The following PZP variants were observed in gnomAD, a reference collection of about 807,000 sequenced individuals.
The protein encoded by PZP is PZP alpha-2-macroglobulin like.
PZP carries 150 observed loss-of-function variants against 179.8 expected under a neutral mutation model. That is an observed-to-expected ratio of 0.83 (90% CI 0.73 to 0.96). The LOEUF (loss-of-function observed/expected upper bound fraction) is 0.96. Ranked by LOEUF, PZP falls within the 40% of genes least tolerant of loss-of-function variation. The pLI is 0.00. For synonymous variants in PZP, 624 were observed against 652.3 expected (o/e 0.96, Z 0.66); for missense variants, 1,689 against 1,764.0 (o/e 0.96, Z 0.76).
rs1187620729 is a variant in PZP at position 9,163,689 on chromosome 12, G to A, written c.2715C>T (p.Val905=). ...TTACCTCCACCAACAGGGTTTTGATGACTGTGTCTTTTCTTTTAATCTCAG... is the reference window on the plus strand; with the variant it reads ...TTACCTCCACCAACAGGGTTTTGATAACTGTGTCTTTTCTTTTAATCTCAG... ...EVPEIKRKDT[V]IKTLLVEAEG... Residue 905 remains valine, a synonymous_variant, in exon 21 of 36, where the codon GTC becomes GTT. Coordinates refer to ENST00000261336, the MANE Select transcript of PZP (RefSeq NM_002864.3). 6 of 1,613,806 alleles carry A rather than the reference G, an allele frequency of 3.7e-6. No homozygotes were observed. Among genetic ancestry groups the A allele is most frequent in the Non-Finnish European group, 5.1e-6 (6 of 1,179,854 alleles).
chr12:9,140,949 CAG>C, the PZP span, among the ~76,000 whole-genome samples: 1 of 152,134 alleles, frequency 6.6e-6, no homozygotes, highest in African/African-American at 2.4e-5. Flanking sequence ...CAAAATAAAA[CAG>C]ATTCTTATTG....
At chr12:9,160,831 C>T (rs1316733353) in intron 23 of PZP, among the ~76,000 whole-genome samples, 1 of 151,620 alleles carries the variant, frequency 6.6e-6, no homozygotes, top group Non-Finnish European at 1.5e-5. Context: ...AGGAGAATGG[C>T]GTGAACCCAG....
At chr12:9,145,489 T>C (rs1168733857), downstream of PZP, among the ~76,000 whole-genome samples, 1 of 152,206 alleles carries the variant, frequency 6.6e-6, no homozygotes, top group Non-Finnish European at 1.5e-5. Context: ...TTGTGAAAAT[T>C]GATATCTATT....
intron 15 of PZP, among the ~76,000 whole-genome samples, chr12:9,178,307 CTG>C (rs1942526168): frequency 6.6e-6 from 1 of 152,170 alleles, no homozygotes; most frequent in Admixed American, 6.5e-5. Context: ...CTCTGTTTTT[CTG>C]GTGGATCCAC....
At chr12:9,162,733 G>A (rs1304118295) in intron 21 of PZP, 85 bp from the exon 22 acceptor site, 5 of 1,068,784 alleles carry the variant, frequency 4.7e-6, no homozygotes, top group Admixed American at 2.1e-5. Context: ...TTGATGGGTA[G>A]GGTTTACACG....
chr12:9,165,464 A>C lies in PZP; in HGVS notation c.2259-97T>G, dbSNP rs759443658. 1.3e-4 allele frequency: 180 copies of C among 1,369,142 alleles called. 1 individual carries two copies. The South Asian group carries it at 2.3e-3, about 17-fold the overall frequency. 84.8% of individuals were successfully genotyped at this position (1,369,142 alleles called of 1,614,324 possible). A position where few individuals can be genotyped will look rare whatever the true frequency, so the allele number is the denominator to read the frequency against. ...GCATAAAGCTAACGTCAAGAACTGAATCCACTTAAGGGTATATGCGAGTGT... is the reference window on the plus strand; with the variant it reads ...GCATAAAGCTAACGTCAAGAACTGACTCCACTTAAGGGTATATGCGAGTGT... On this transcript the variant is annotated intron_variant, in intron 18 of 35. Coordinates refer to ENST00000261336, the MANE Select transcript of PZP (RefSeq NM_002864.3).
intron 16 of PZP, 126 bp from the exon 17 acceptor site, chr12:9,169,100 A>T: frequency 1.5e-6 from 1 of 654,194 alleles, no homozygotes; most frequent in Non-Finnish European, 2.6e-6. Flanking sequence ...AACACTTGAC[A>T]GTAAATATAG....
intron 1 of PZP, among the ~76,000 whole-genome samples, chr12:9,204,410 C>T (rs7965958): frequency 0.03 from 4,496 of 152,086 alleles, 212 homozygotes; most frequent in African/African-American, 0.1. Context: ...GAATGAACAC[C>T]GTGACTAGAT....
chr12:9,191,329 A>C (rs1371989676), intron 13 of PZP, among the ~76,000 whole-genome samples: 3 of 152,152 alleles, frequency 2.0e-5, no homozygotes, highest in Non-Finnish European at 4.4e-5. Flanking sequence ...CATTCTCCAT[A>C]TCTAACTACC....
At chr12:9,160,122 T>G in intron 24 of PZP, 97 bp from the exon 25 acceptor site, 1 of 1,240,686 alleles carries the variant, frequency 8.1e-7, no homozygotes, top group South Asian at 1.3e-5. Context: ...GGACATTTTA[T>G]GACCTTCTGT....
chr12:9,181,204 TAAG>T (rs1025423664), intron 14 of PZP, 72 bp from the exon 15 acceptor site: 4 of 1,589,818 alleles, frequency 2.5e-6, no homozygotes, highest in Non-Finnish European at 3.4e-6. Context: ...CTGCATTTCC[TAAG>T]CCACCCTTAT....
At chr12:9,169,868 G>C (rs914950233) in intron 15 of PZP, 13 of 255,004 alleles carry the variant, frequency 5.1e-5, no homozygotes, top group Non-Finnish European at 9.5e-5. Flanking sequence ...GGTAAAAATA[G>C]ACCAAATATA....
intron 21 of PZP, among the ~76,000 whole-genome samples, chr12:9,163,452 CA>C (rs36052925): frequency 0.43 from 58,154 of 136,168 alleles, 11,244 homozygotes; most frequent in Middle Eastern, 0.47. Flanking sequence ...AACTCCGTCT[CA>C]AAAAAAAAAA....
the PZP span, among the ~76,000 whole-genome samples, chr12:9,137,366 C>A: frequency 6.6e-6 from 1 of 152,012 alleles, no homozygotes; most frequent in Admixed American, 6.5e-5. Flanking sequence ...CCTGAGATCT[C>A]TATTCTGTCA....
Position 9,165,180 on chromosome 12 carries a change from G to A in PZP, c.2446C>T (p.Leu816Phe). 1 of 1,614,116 alleles carries A rather than the reference G, an allele frequency of 6.2e-7. No homozygotes were observed. The highest frequency in any genetic ancestry group is 8.5e-7 in the Non-Finnish European group (1 of 1,179,972). The change falls in exon 19 of 36, where the codon CTC (leucine) becomes TTC (phenylalanine). Residue 816 changes from leucine (L) to phenylalanine (F), a missense_variant. Leu to Phe is a conservative substitution (Grantham distance 22). Transcript: ENST00000261336. ...YSVIRGEVFTLKATVLNYLPK... is the reference protein window; with the variant it reads ...YSVIRGEVFTFKATVLNYLPK... ...AGGTAGTTTAGGACCGTGGCCTTGA[G>A]TGTGAAGACCTCTCCACGAATCACA...
chr12:9,160,742 G>A (rs890651096), intron 23 of PZP, among the ~76,000 whole-genome samples: 15 of 152,116 alleles, frequency 9.9e-5, no homozygotes, highest in South Asian at 6.2e-4. Context: ...GTGAAACCCC[G>A]TCTCTACTAA....
chr12:9,195,542 C>T (rs930668076), intron 10 of PZP, among the ~76,000 whole-genome samples: 2 of 150,980 alleles, frequency 1.3e-5, no homozygotes, highest in Non-Finnish European at 2.9e-5. Flanking sequence ...GTTCTGGGCT[C>T]GAGGGATCCT....
At chr12:9,179,032 C>T (rs1002122678) in intron 15 of PZP, among the ~76,000 whole-genome samples, 2 of 152,148 alleles carry the variant, frequency 1.3e-5, no homozygotes, top group Non-Finnish European at 1.5e-5. Flanking sequence ...TTGATTGACC[C>T]TTTTAAATGG....
At chr12:9,195,438 C>A (rs966862940) in intron 10 of PZP, among the ~76,000 whole-genome samples, 1 of 149,392 alleles carries the variant, frequency 6.7e-6, no homozygotes, top group African/African-American at 2.5e-5. Context: ...TTTCCTTTTC[C>A]TTCCCCTTTC....
Sources: gnomAD v4.1 joint callset for allele counts (sites outside exome capture counted in the v4.1 genomes callset) on GRCh38, gnomAD v4.1.1 for gene constraint, MANE v1.5 for transcripts, NCBI Gene and HGNC (gene_info 2026-07-23, HGNC 2026-07-21) for gene names.